Variants in COL28A1 observed in about 807,000 individuals in gnomAD.
COL28A1 encodes collagen type XXVIII alpha 1 chain.
A neutral mutation model predicts 150.2 loss-of-function variants in COL28A1; 161 were observed. The observed-to-expected ratio is 1.07, with a 90% CI of 0.94 to 1.22. The LOEUF (loss-of-function observed/expected upper bound fraction) is 1.22, where lower values mean the gene tolerates loss of function less well. COL28A1 is among the 50% of genes most tolerant of loss of function. The pLI, the probability that COL28A1 is intolerant of heterozygous loss-of-function variation, is 0.00. For synonymous variants in COL28A1, 552 were observed against 469.7 expected, an observed-to-expected ratio of 1.18 and a Z score of -2.26; for missense variants, 1,617 against 1,388.3, an observed-to-expected ratio of 1.16 and a Z score of -2.62.
At chr7:7,355,001 T>G (rs1393324751), downstream of COL28A1, among the ~76,000 whole-genome samples, 1 of 152,076 alleles carries the variant, frequency 6.6e-6, no homozygotes, top group Non-Finnish European at 1.5e-5. Flanking sequence ...GAAAGATGAC[T>G]GAGATGCTGA....
At chr7:7,518,418 G>A (rs1781535423) in intron 6 of COL28A1, among the ~76,000 whole-genome samples, 1 of 152,150 alleles carries the variant, frequency 6.6e-6, no homozygotes, top group Non-Finnish European at 1.5e-5. Context: ...ATCCAAGGCT[G>A]CTATATTCCC....
At position 7,382,071 on chromosome 7, in the gene COL28A1, A is replaced by G. The variant is rs1357324734; in HGVS notation, c.2137-459T>C. Reference sequence around the variant, plus strand: ...ATGCCTGTAATCCCAGCACTTTGGGAGGCTGAGGCAGGTGGATCACCTGAG... The same window carrying G: ...ATGCCTGTAATCCCAGCACTTTGGGGGGCTGAGGCAGGTGGATCACCTGAG... On this transcript the variant is annotated intron_variant, in intron 27 of 34. Coordinates refer to ENST00000399429, the MANE Select transcript of COL28A1 (RefSeq NM_001037763.3). Among the ~76,000 whole-genome samples the G allele has an allele frequency of 4.6e-5, 7 of 152,278 alleles. 1 individual carries two copies. In the South Asian group the frequency reaches 1.0e-3, roughly 23 times the overall value.
chr7:7,441,260 T>C (rs17167774), intron 20 of COL28A1, among the ~76,000 whole-genome samples: 4,714 of 152,216 alleles, frequency 0.031, 177 homozygotes, highest in African/African-American at 0.092. Flanking sequence ...AAAGATGAAA[T>C]GAGACATTTT....
chr7:7,345,830 G>A, the COL28A1 span, among the ~76,000 whole-genome samples: 1 of 151,988 alleles, frequency 6.6e-6, no homozygotes, highest in Non-Finnish European at 1.5e-5. Flanking sequence ...GTATGTTTTG[G>A]TGTTTTGGTT....
At chr7:7,407,104 T>C (rs544279428) in intron 27 of COL28A1, among the ~76,000 whole-genome samples, 7 of 151,590 alleles carry the variant, frequency 4.6e-5, no homozygotes, top group South Asian at 2.1e-4. Context: ...AACTGGAAAA[T>C]AGAATAGAAA....
intron 10 of COL28A1, among the ~76,000 whole-genome samples, 185 bp from the exon 11 acceptor site, chr7:7,506,252 C>G (rs1054094362): frequency 6.6e-6 from 1 of 152,180 alleles, no homozygotes; most frequent in African/African-American, 2.4e-5. Context: ...TACGTAGCTT[C>G]CAAAATAGCA....
chr7:7,484,571 G>A (rs1392454898), intron 13 of COL28A1, among the ~76,000 whole-genome samples: 3 of 152,076 alleles, frequency 2.0e-5, no homozygotes, highest in Non-Finnish European at 4.4e-5. Flanking sequence ...TTGGTAGGAT[G>A]AAAATAAAGT....
Position 7,437,455 on chromosome 7 carries a change from G to A in COL28A1, c.1730C>T (p.Pro577Leu), listed in dbSNP as rs747473709. 48 of 1,612,878 alleles carry A rather than the reference G, an allele frequency of 3.0e-5. No individual in the cohort carries two copies. Among genetic ancestry groups the A allele is most frequent in the Admixed American group, 2.8e-4 (17 of 59,912 alleles). ...CATTCCAAAAGGGCCCATAATGCCCGGTTCACCCTTAAAAAGAGCAAAATG... is the reference window on the plus strand; with the variant it reads ...CATTCCAAAAGGGCCCATAATGCCCAGTTCACCCTTAAAAAGAGCAAAATG... The part of the protein sequence containing the change: ...LPGPEGPKGE[P>L]GIMGPFGMPG... The change falls in exon 22 of 35, where the codon CCG (proline) becomes CTG (leucine). Residue 577 changes from proline (P) to leucine (L), a missense_variant. Coordinates refer to ENST00000399429, the MANE Select transcript of COL28A1 (RefSeq NM_001037763.3).
chr7:7,483,114 C>T (rs1779438025), intron 13 of COL28A1, among the ~76,000 whole-genome samples: 1 of 152,172 alleles, frequency 6.6e-6, no homozygotes, highest in Non-Finnish European at 1.5e-5. Context: ...GGTTGGTCAG[C>T]ATGTAACCCC....
Position 7,501,899 on chromosome 7 carries a change from C to T in COL28A1, c.1026+4115G>A, listed in dbSNP as rs141357451. On this transcript the variant is annotated intron_variant, in intron 11 of 34. Coordinates refer to ENST00000399429, the MANE Select transcript of COL28A1 (RefSeq NM_001037763.3). ...GATTTCCGAGACTATTGAGACGTTC[C>T]GTTTTTTTTCTTTTGAGACAGAGTC... 4.5e-3 allele frequency among the ~76,000 whole-genome samples: 688 copies of T among 152,096 alleles called. 5 individuals carry two copies. The highest frequency in any genetic ancestry group is 8.2e-3 in the Non-Finnish European group (560 of 67,974).
At position 7,456,102 on chromosome 7, in the gene COL28A1, CCTATAT is replaced by C; in HGVS notation, c.1307_1312del (p.Asp436_Ile437del). On this transcript the variant is annotated inframe_deletion, in exon 16 of 35. Coordinates refer to ENST00000399429, the MANE Select transcript of COL28A1 (RefSeq NM_001037763.3). ...CATTGGTCCTTGGGGTCCCACAGGT[CCTATAT>C]CCCCCTGCACAGAAAATAAGCCAGG... The C allele has an allele frequency of 6.2e-7, 1 of 1,613,710 alleles. No individual in the cohort carries two copies. Among genetic ancestry groups the C allele is most frequent in the Non-Finnish European group, 8.5e-7 (1 of 1,179,790 alleles).
At chr7:7,497,314 C>A (rs1417168348) in intron 11 of COL28A1, among the ~76,000 whole-genome samples, 3 of 152,196 alleles carry the variant, frequency 2.0e-5, no homozygotes, top group Admixed American at 2.0e-4. Flanking sequence ...AAATTACCAA[C>A]ACATATGGCA....
chr7:7,466,062 A>G (rs1356300466), intron 15 of COL28A1, among the ~76,000 whole-genome samples: 3 of 133,544 alleles, frequency 2.2e-5, no homozygotes, highest in African/African-American at 5.6e-5. Context: ...CCTCCTCCAA[A>G]GGAACGCAGT....
Position 7,443,753 on chromosome 7 carries a change from G to C in COL28A1, c.1582-100C>G, listed in dbSNP as rs1233225580. ...TTTTATCATTAGTGGATTCAGCTGA[G>C]ACTCTCCAAAACACACCATACCTTC... On this transcript the variant is annotated intron_variant, in intron 19 of 34. Coordinates refer to ENST00000399429, the MANE Select transcript of COL28A1 (RefSeq NM_001037763.3). 6.0e-6 allele frequency: 9 copies of C among 1,508,238 alleles called. No individual in the cohort carries two copies. In the Admixed American group the frequency reaches 1.9e-4, roughly 33 times the overall value. The allele number at this position is 1,508,238 out of a possible 1,614,324, so 93.4% of individuals were successfully genotyped here.
chr7:7,528,980 A>C (rs1436071373), intron 3 of COL28A1, among the ~76,000 whole-genome samples: 1 of 152,188 alleles, frequency 6.6e-6, no homozygotes, highest in Admixed American at 6.5e-5. Context: ...GGGATTAGAT[A>C]AAGAATTTTT....
chr7:7,536,465 G>A (rs1389310990), upstream of COL28A1, among the ~76,000 whole-genome samples: 3 of 152,140 alleles, frequency 2.0e-5, no homozygotes, highest in African/African-American at 2.4e-5. Flanking sequence ...TGTTCGAACT[G>A]TAACATGAGA....
intron 1 of COL28A1, among the ~76,000 whole-genome samples, chr7:7,535,534 T>TA (rs1782595288): frequency 6.6e-6 from 1 of 152,110 alleles, no homozygotes; most frequent in Non-Finnish European, 1.5e-5. Flanking sequence ...GACTGTAAAT[T>TA]AAAAATCCAT....
chr7:7,429,417 C>G (rs1018255604), intron 25 of COL28A1, among the ~76,000 whole-genome samples: 1 of 138,508 alleles, frequency 7.2e-6, no homozygotes, highest in African/African-American at 3.2e-5. Context: ...CTCTCTCTCT[C>G]TCTCTCTCTC....
chr7:7,424,558 G>C (rs553140369), intron 25 of COL28A1, among the ~76,000 whole-genome samples: 36 of 152,204 alleles, frequency 2.4e-4, no homozygotes, highest in African/African-American at 8.2e-4. Flanking sequence ...AGCTTCCCAC[G>C]CAACAGCTGA....
Sources: gnomAD v4.1 joint callset for allele counts (sites outside exome capture counted in the v4.1 genomes callset) on GRCh38, gnomAD v4.1.1 for gene constraint, MANE v1.5 for transcripts, NCBI Gene and HGNC (gene_info 2026-07-23, HGNC 2026-07-21) for gene names.